Variants in GLS observed in about 807,000 individuals in gnomAD.
GLS encodes glutaminase kidney isoform, mitochondrial.
A neutral mutation model predicts 86.7 loss-of-function variants in GLS; 36 were observed. That is an observed-to-expected ratio of 0.42 (90% CI 0.32 to 0.55). The LOEUF (loss-of-function observed/expected upper bound fraction) is 0.55. GLS is among the 20% of genes least tolerant of loss of function. The probability of loss-of-function intolerance (pLI) is 0.17; values close to 1 mark genes in which losing one functional copy is unlikely to be tolerated. For missense variants in GLS, 528 were observed against 833.4 expected, an observed-to-expected ratio of 0.63 and a Z score of 4.51; for synonymous variants, 317 against 305.9, an observed-to-expected ratio of 1.04 and a Z score of -0.38.
At position 190,880,848 on chromosome 2, in the gene GLS, G is replaced by C; in HGVS notation, c.-237G>C. On this transcript the variant is annotated 5_prime_UTR_variant, in exon 1 of 18. Coordinates refer to ENST00000320717, the MANE Select transcript of GLS (RefSeq NM_014905.5). ...TGCGGAGCCTTAGGCGGAGCGAAGA[G>C]AACCGGTCGCGGCAATCCTAGCGCG... 2.5e-6 allele frequency: 2 copies of C among 808,338 alleles called. No individual in the cohort carries two copies. The highest frequency in any genetic ancestry group is 4.0e-6 in the Non-Finnish European group (2 of 496,298). 50.1% of individuals were successfully genotyped at this position (808,338 alleles called of 1,614,324 possible).
Position 190,913,842 on chromosome 2 carries a change from C to T in GLS, c.1038+3521C>T. 1.9e-6 allele frequency: 1 copy of T among 527,676 alleles called. No individual in the cohort carries two copies. The highest frequency in any genetic ancestry group is 2.4e-6 in the Non-Finnish European group (1 of 412,114). The allele number at this position is 527,676 out of a possible 1,614,324, so 32.7% of individuals were successfully genotyped here. ...TAGAGACAAGGTCTCTCTCTGTTGC[C>T]CAGTCTAAGTGCAGTGGTACAGTCA... On this transcript the variant is annotated intron_variant, in intron 7 of 17. Transcript: ENST00000320717. This position sits in a 1 kb window ranked among gnomAD's most constrained non-coding sequence, Gnocchi z 6.1.
In GLS at chr2:190,899,026, T is replaced by C. The variant is rs140805077; in HGVS notation, c.606-1538T>C. On this transcript the variant is annotated intron_variant, in intron 3 of 17. Transcript: ENST00000320717. ...CAGCTCTCATTTTTGCATTTATAACTTCTTGAAAAATGAGGAAGTGCATTT... is the reference window on the plus strand; with the variant it reads ...CAGCTCTCATTTTTGCATTTATAACCTCTTGAAAAATGAGGAAGTGCATTT... Among the ~76,000 whole-genome samples, 12 of 152,350 alleles carry C rather than the reference T, an allele frequency of 7.9e-5. No homozygotes were observed. In the East Asian group the frequency reaches 2.3e-3, roughly 29 times the overall value.
At chr2:190,919,424 G>C (rs988597193) in intron 7 of GLS, among the ~76,000 whole-genome samples, 2 of 152,094 alleles carry the variant, frequency 1.3e-5, no homozygotes, top group African/African-American at 4.8e-5. Flanking sequence ...AAGAAAACTT[G>C]TAAGAGTTTT....
chr2:190,904,881 T>G, intron 5 of GLS, 123 bp from the exon 6 acceptor site: 1 of 659,836 alleles, frequency 1.5e-6, no homozygotes, highest in Admixed American at 2.7e-5. Flanking sequence ...TGACATAAAC[T>G]TGTGGTTGAA....
rs1014837635 is a variant in GLS at position 190,956,467 on chromosome 2, A to G, written c.1853+1649A>G. The stretch of plus-strand genomic sequence containing the variant: ...TTCTTTTCCATTGCTCTGTGTATCT[A>G]TTTTGGTATCAGTACCATACTGTTT... On this transcript the variant is annotated intron_variant, in intron 17 of 17. Coordinates refer to ENST00000320717, the MANE Select transcript of GLS (RefSeq NM_014905.5). The surrounding 1 kb of genome is among the most constrained non-coding windows in gnomAD (Gnocchi z 4.2). Among the ~76,000 whole-genome samples the G allele has an allele frequency of 4.6e-5, 7 of 152,042 alleles. No individual in the cohort carries two copies. The highest frequency in any genetic ancestry group is 2.1e-4 in the South Asian group (1 of 4,830).
chr2:190,908,507 C>T (rs1397254193), intron 6 of GLS, among the ~76,000 whole-genome samples: 3 of 152,110 alleles, frequency 2.0e-5, no homozygotes, highest in African/African-American at 7.2e-5. Flanking sequence ...TCACCCATGT[C>T]CATTTTGTCA....
chr2:190,939,215 ATGT>A lies in GLS; in HGVS notation c.1650+7582_1650+7584del, dbSNP rs768978501. 6.6e-5 allele frequency among the ~76,000 whole-genome samples: 10 copies of A among 151,812 alleles called. No individual in the cohort carries two copies. In the East Asian group the frequency reaches 1.9e-3, roughly 29 times the overall value. ...TGTTTATTTACTCTGTCTATAGTAC[ATGT>A]TGTCTTCAGTATCAATCTCCATTTC... is the stretch of plus-strand genomic sequence containing the variant. On this transcript the variant is annotated intron_variant, in intron 14 of 17. Transcript: ENST00000320717.
In GLS at chr2:190,897,398, T is replaced by G. The variant is rs760168878; in HGVS notation, c.605+1673T>G. On this transcript the variant is annotated intron_variant, in intron 3 of 17. Transcript: ENST00000320717. This position sits in a 1 kb window ranked among gnomAD's most constrained non-coding sequence, Gnocchi z 4.3. The stretch of plus-strand genomic sequence containing the variant: ...TCCTCTGATTATTAAGCCAGGGAAC[T>G]GCAAACATTAAATTTTCTGCCTGCA... Among the ~76,000 whole-genome samples the G allele has an allele frequency of 3.9e-5, 6 of 152,226 alleles. No homozygotes were observed. The highest frequency in any genetic ancestry group is 7.3e-5 in the Non-Finnish European group (5 of 68,034).
intron 14 of GLS, among the ~76,000 whole-genome samples, chr2:190,944,947 G>A (rs1293999412): frequency 6.6e-6 from 1 of 151,964 alleles, no homozygotes; most frequent in African/African-American, 2.4e-5. Context: ...TAATATCTCT[G>A]ATTTTTCTAT....
At chr2:190,929,515 G>A (rs182497450) in intron 12 of GLS, among the ~76,000 whole-genome samples, 4 of 151,704 alleles carry the variant, frequency 2.6e-5, no homozygotes, top group Admixed American at 2.6e-4. Context: ...CGTCACCCAG[G>A]CTGGAGTGCA....
intron 3 of GLS, among the ~76,000 whole-genome samples, chr2:190,898,368 G>T (rs947436145): frequency 6.6e-6 from 1 of 152,160 alleles, no homozygotes; most frequent in Non-Finnish European, 1.5e-5. Flanking sequence ...TTGCTGAAAA[G>T]CATAAGCACC....
rs2124950780 is a variant in GLS at position 190,955,302 on chromosome 2, T to C, written c.1853+484T>C. Among the ~76,000 whole-genome samples, 1 of 152,186 alleles carries C rather than the reference T, an allele frequency of 6.6e-6. No homozygotes were observed. Among genetic ancestry groups the C allele is most frequent in the East Asian group, 1.9e-4 (1 of 5,184 alleles). Reference sequence around the variant, plus strand: ...CTTACCCTGACCCCCAAACAGGCCCTGGTGTGTGATGTTCCCCTCCCTGTG... The same window carrying C: ...CTTACCCTGACCCCCAAACAGGCCCCGGTGTGTGATGTTCCCCTCCCTGTG... On this transcript the variant is annotated intron_variant, in intron 17 of 17. Coordinates refer to ENST00000320717, the MANE Select transcript of GLS (RefSeq NM_014905.5). The surrounding 1 kb of genome is among the most constrained non-coding windows in gnomAD (Gnocchi z 5.6).
chr2:190,894,826 A>C (rs1425174132), intron 1 of GLS, among the ~76,000 whole-genome samples: 2 of 152,180 alleles, frequency 1.3e-5, no homozygotes, highest in Non-Finnish European at 2.9e-5. Context: ...TGAACTCTAT[A>C]ATTTGTATTG....
chr2:190,954,031 C>T lies in GLS; in HGVS notation c.1712+405C>T, dbSNP rs992858344. The stretch of plus-strand genomic sequence containing the variant: ...GGGGGTTTGGTGTCTGGCAGATCAT[C>T]AGGATTAGTAAGGCCATATACTGCT... On this transcript the variant is annotated intron_variant, in intron 15 of 17. Coordinates refer to ENST00000320717, the MANE Select transcript of GLS (RefSeq NM_014905.5). This position sits in a 1 kb window ranked among gnomAD's most constrained non-coding sequence, Gnocchi z 4.0. Among the ~76,000 whole-genome samples the T allele has an allele frequency of 5.4e-5, 8 of 149,378 alleles. No individual in the cohort carries two copies. The highest frequency in any genetic ancestry group is 2.0e-4 in the African/African-American group (8 of 40,446).
chr2:190,900,574 A>G lies in GLS; in HGVS notation c.616A>G (p.Ser206Gly). The G allele has an allele frequency of 6.3e-7, 1 of 1,599,406 alleles. No homozygotes were observed. The highest frequency in any genetic ancestry group is 8.6e-7 in the Non-Finnish European group (1 of 1,168,270). ...TTTTACATTCTACAGATGTGTTCAG[A>G]GCAACATTGTTTTGTTGACACAAGC... ...DKDLFKKCVQ[S>G]NIVLLTQAFR... is the part of the protein sequence containing the mutation. Residue 206 changes from serine to glycine, a missense_variant, in exon 4 of 18, where the codon AGC (serine) becomes GGC (glycine). Around this residue, in one of 4 missense-constraint regions of GLS, gnomAD observed 111 missense variants for 179.5 expected, o/e 0.62. Transcript: ENST00000320717.
intron 1 of GLS, among the ~76,000 whole-genome samples, chr2:190,884,174 G>A (rs941264441): frequency 6.6e-6 from 1 of 152,056 alleles, no homozygotes; most frequent in African/African-American, 2.4e-5. Flanking sequence ...TCCTCACTGG[G>A]TAAAAACCCT....
intron 17 of GLS, among the ~76,000 whole-genome samples, chr2:190,961,997 G>C (rs1237018767): frequency 1.3e-5 from 2 of 152,174 alleles, no homozygotes; most frequent in Non-Finnish European, 2.9e-5. Flanking sequence ...AGGAAGACAG[G>C]CTTCACAGTT....
Position 190,897,223 on chromosome 2 carries a change from C to T in GLS, c.605+1498C>T, listed in dbSNP as rs1688772996. On this transcript the variant is annotated intron_variant, in intron 3 of 17. Transcript: ENST00000320717. The surrounding 1 kb of genome is among the most constrained non-coding windows in gnomAD (Gnocchi z 4.3). ...GTATTTTTAGTGAGACGGGGTTTCA[C>T]CACGTTGTCCAGGCTGGTCTCGAAC... Among the ~76,000 whole-genome samples, 1 of 152,080 alleles carries T rather than the reference C, an allele frequency of 6.6e-6. No individual in the cohort carries two copies. The highest frequency in any genetic ancestry group is 1.5e-5 in the Non-Finnish European group (1 of 68,008).
In GLS at chr2:190,963,665, C is replaced by A. The variant is rs372075252; in HGVS notation, c.*679C>A. Reference sequence around the variant, plus strand: ...CTTTTTCTATATCCCCTTAGTCCAGCCTCTCTTCTCAGACATTTAGCTATC... The same window carrying A: ...CTTTTTCTATATCCCCTTAGTCCAGACTCTCTTCTCAGACATTTAGCTATC... On this transcript the variant is annotated 3_prime_UTR_variant, in exon 18 of 18. Coordinates refer to ENST00000320717, the MANE Select transcript of GLS (RefSeq NM_014905.5). 4 of 152,730 alleles carry A rather than the reference C, an allele frequency of 2.6e-5. No homozygotes were observed. In the East Asian group the frequency reaches 7.7e-4, roughly 29 times the overall value. 9.5% of individuals were successfully genotyped at this position (152,730 alleles called of 1,614,324 possible).
Sources: gnomAD v4.1 joint callset for allele counts (sites outside exome capture counted in the v4.1 genomes callset) on GRCh38, gnomAD v4.1.1 for gene constraint, gnomAD v4.1.1 regional missense constraint, Gnocchi (gnomAD v3.1) non-coding constraint, MANE v1.5 for transcripts, NCBI Gene and HGNC (gene_info 2026-07-23, HGNC 2026-07-21) for gene names.